Variants in RASA1 observed in about 807,000 individuals in gnomAD.
RASA1 encodes the protein ras GTPase-activating protein 1.
Under a neutral mutation model 132.2 loss-of-function variants are expected in RASA1, and 25 were observed. The ratio of observed to expected loss-of-function variants is 0.19; its 90% CI spans 0.14 to 0.26. The LOEUF (loss-of-function observed/expected upper bound fraction) is 0.26, where lower values mean the gene tolerates loss of function less well. Among genes scored for constraint, RASA1 ranks in the 10% least tolerant of loss-of-function variants. The probability of loss-of-function intolerance (pLI) is 1.00; values close to 1 mark genes in which losing one functional copy is unlikely to be tolerated. For missense variants in RASA1, 964 were observed against 1,299.2 expected, an observed-to-expected ratio of 0.74 and a Z score of 3.97; for synonymous variants, 477 against 449.9, an observed-to-expected ratio of 1.06 and a Z score of -0.76.
intron 11 of RASA1, among the ~76,000 whole-genome samples, chr5:87,368,084 A>G (rs1369461133): frequency 6.6e-6 from 1 of 152,074 alleles, no homozygotes; most frequent in Non-Finnish European, 1.5e-5. Context: ...TTTAGTATCT[A>G]ATTTAAACAG....
At chr5:87,322,638 C>T (rs1362412981) in intron 1 of RASA1, among the ~76,000 whole-genome samples, 2 of 152,162 alleles carry the variant, frequency 1.3e-5, no homozygotes, top group Admixed American at 6.5e-5. Context: ...AAAGCAGATT[C>T]CAGCACCATG....
At position 87,268,714 on chromosome 5, in the gene RASA1, G is replaced by C. The variant is rs775010773; in HGVS notation, c.263G>C (p.Gly88Ala). 10 of 1,612,430 alleles carry C rather than the reference G, an allele frequency of 6.2e-6. No individual in the cohort carries two copies. The Admixed American group carries it at 1.5e-4, about 24-fold the overall frequency. Reference sequence around the variant, plus strand: ...GCACTGGGGGGAGCTGGACTGACAGGGGGAGGTACTGCTGCTGGCGTAGCT... The same window carrying C: ...GCACTGGGGGGAGCTGGACTGACAGCGGGAGGTACTGCTGCTGGCGTAGCT... The part of the protein sequence containing the change: ...AGALGGAGLT[G>A]GGTAAGVAGA... The change falls in exon 1 of 25, where the codon GGG becomes GCG. Residue 88 changes from glycine to alanine, a missense_variant. Physicochemically the swap from Gly to Ala is moderately conservative, Grantham distance 60. This residue lies in a region of RASA1 where 326 missense variants were observed against 275.8 expected (regional missense o/e 1.18). Transcript: ENST00000274376.
At chr5:87,323,715 T>C (rs1275313734) in intron 1 of RASA1, among the ~76,000 whole-genome samples, 1 of 152,086 alleles carries the variant, frequency 6.6e-6, no homozygotes. Context: ...GATAAGTCAA[T>C]TCTTTTTTTT....
chr5:87,377,236 A>T, intron 17 of RASA1, 196 bp downstream of exon 17: 1 of 689,526 alleles, frequency 1.5e-6, no homozygotes, highest in Non-Finnish European at 2.4e-6. Context: ...TGATATTTCT[A>T]ATGTAGGTTT....
rs1045278281 is a variant in RASA1, at chr5:87,353,027, T to A, written c.1254-130T>A. ...ATGTTATGATCATTTATTCTATTAATGTATTTGTGTTATGTGCTTTGAAAA... is the reference window on the plus strand; with the variant it reads ...ATGTTATGATCATTTATTCTATTAAAGTATTTGTGTTATGTGCTTTGAAAA... On this transcript the variant is annotated intron_variant, in intron 8 of 24. Transcript: ENST00000274376. 3.3e-5 allele frequency: 22 copies of A among 665,834 alleles called. No individual in the cohort carries two copies. The African/African-American group carries it at 3.8e-4, about 12-fold the overall frequency. 41.2% of individuals were successfully genotyped at this position (665,834 alleles called of 1,614,324 possible).
chr5:87,363,507 A>G lies in RASA1; in HGVS notation c.1610+3A>G. On this transcript the variant is annotated splice_donor_region_variant and intron_variant, in intron 11 of 24. Coordinates refer to ENST00000274376, the MANE Select transcript of RASA1 (RefSeq NM_002890.3). Reference sequence around the variant, plus strand: ...GTTCATGATAGTCTCTTTGGCAGGTAAGAGACTGGTTTCCTATTTTTCTTT... The same window carrying G: ...GTTCATGATAGTCTCTTTGGCAGGTGAGAGACTGGTTTCCTATTTTTCTTT... 6.2e-7 allele frequency: 1 copy of G among 1,610,102 alleles called. No individual in the cohort carries two copies. Among genetic ancestry groups the G allele is most frequent in the African/African-American group, 1.3e-5 (1 of 74,918 alleles).
chr5:87,381,109 T>TC (rs1413409931), intron 20 of RASA1, among the ~76,000 whole-genome samples: 2 of 152,174 alleles, frequency 1.3e-5, no homozygotes, highest in South Asian at 4.1e-4. Flanking sequence ...TAAAGGGACT[T>TC]CATTATCATT....
At chr5:87,371,144 C>T (rs1204243774) in intron 12 of RASA1, among the ~76,000 whole-genome samples, 1 of 152,052 alleles carries the variant, frequency 6.6e-6, no homozygotes, top group African/African-American at 2.4e-5. Flanking sequence ...ACCATAATGA[C>T]ATTTCAGCAT....
intron 17 of RASA1, chr5:87,377,316 A>G: frequency 2.2e-6 from 1 of 452,542 alleles, no homozygotes; most frequent in South Asian, 2.1e-5. Context: ...ACTGTTTGGC[A>G]TATTTATCTG....
intron 1 of RASA1, among the ~76,000 whole-genome samples, chr5:87,278,137 G>A (rs887327761): frequency 2.6e-5 from 4 of 152,178 alleles, no homozygotes; most frequent in Admixed American, 6.5e-5. Context: ...AGACACTTGT[G>A]TAACGATAGA....
intron 14 of RASA1, 56 bp downstream of exon 14, chr5:87,374,376 T>TA: frequency 1.3e-6 from 2 of 1,519,170 alleles, no homozygotes; most frequent in Non-Finnish European, 1.8e-6. Flanking sequence ...TTGCATTTCT[T>TA]TCTGTTTTTT....
intron 1 of RASA1, among the ~76,000 whole-genome samples, chr5:87,270,255 A>C (rs1162061500): frequency 6.6e-6 from 1 of 151,696 alleles, no homozygotes; most frequent in East Asian, 1.9e-4. Context: ...AAAAAAAAAA[A>C]AAGAATTTTG....
intron 1 of RASA1, among the ~76,000 whole-genome samples, chr5:87,273,700 CT>C (rs539277152): frequency 0.035 from 4,872 of 138,276 alleles, 138 homozygotes; most frequent in African/African-American, 0.078. Context: ...TTTTCTTTTT[CT>C]TTTTTTTTTT....
chr5:87,280,869 G>T (rs1359820320), intron 1 of RASA1, among the ~76,000 whole-genome samples: 2 of 149,834 alleles, frequency 1.3e-5, no homozygotes, highest in Non-Finnish European at 3.0e-5. Context: ...CCATTCTCCT[G>T]CCTCAGCATC....
chr5:87,344,438 C>T (rs932459686), intron 6 of RASA1, among the ~76,000 whole-genome samples: 4 of 152,078 alleles, frequency 2.6e-5, no homozygotes, highest in Non-Finnish European at 5.9e-5. Flanking sequence ...GTTATTTTGT[C>T]GTTTACTACT....
At chr5:87,270,349 T>C (rs980605589) in intron 1 of RASA1, among the ~76,000 whole-genome samples, 5 of 151,194 alleles carry the variant, frequency 3.3e-5, no homozygotes, top group African/African-American at 7.3e-5. Context: ...TTTTTTTTTT[T>C]CCTTCCCCCC....
intron 11 of RASA1, among the ~76,000 whole-genome samples, chr5:87,367,216 A>G (rs1161928019): frequency 1.3e-5 from 2 of 152,242 alleles, no homozygotes; most frequent in Non-Finnish European, 1.5e-5. Flanking sequence ...TCTGTACCAT[A>G]TAATAGGACA....
chr5:87,366,298 T>C (rs912165145), intron 11 of RASA1: 2 of 359,050 alleles, frequency 5.6e-6, no homozygotes, highest in Non-Finnish European at 1.2e-5. Context: ...TTGCAATATC[T>C]GTAAGATTGA....
In RASA1 at chr5:87,390,905, G is replaced by A. The variant is rs571819598; in HGVS notation, c.*22G>A. The A allele has an allele frequency of 6.3e-7, 1 of 1,583,980 alleles. No individual in the cohort carries two copies. Among genetic ancestry groups the A allele is most frequent in the African/African-American group, 1.3e-5 (1 of 74,222 alleles). Reference sequence around the variant, plus strand: ...GTAGCAGCCTTCGCCCCAGTGTTCTGCATGGATTCAGCATGTCCAACATGG... The same window carrying A: ...GTAGCAGCCTTCGCCCCAGTGTTCTACATGGATTCAGCATGTCCAACATGG... On this transcript the variant is annotated 3_prime_UTR_variant, in exon 25 of 25. Coordinates refer to ENST00000274376, the MANE Select transcript of RASA1 (RefSeq NM_002890.3).
Sources: allele counts gnomAD v4.1 joint callset (sites outside exome capture counted in the v4.1 genomes callset), GRCh38; gene constraint gnomAD v4.1.1; regional missense constraint gnomAD v4.1.1; transcripts MANE v1.5; gene names NCBI Gene and HGNC (gene_info 2026-07-23, HGNC 2026-07-21).